ATG2B: variants seen among roughly 807,000 people sequenced by gnomAD.
ATG2B encodes autophagy related 2B, also known as autophagy-related protein 2 homolog B.
Under a neutral mutation model 241.3 loss-of-function variants are expected in ATG2B, and 121 were observed. The observed-to-expected ratio is 0.50, with a 90% CI of 0.43 to 0.58. The LOEUF (loss-of-function observed/expected upper bound fraction) is 0.58, where lower values mean the gene tolerates loss of function less well. Ranked by LOEUF, ATG2B falls within the 20% of genes least tolerant of loss-of-function variation. The probability of loss-of-function intolerance (pLI) is 0.00; values close to 1 mark genes in which losing one functional copy is unlikely to be tolerated. For missense variants in ATG2B, 2,306 were observed against 2,491.6 expected, an observed-to-expected ratio of 0.93 and a Z score of 1.59; for synonymous variants, 858 against 876.6, an observed-to-expected ratio of 0.98 and a Z score of 0.37.
chr14:96,330,707 T>G (rs1053310296), intron 11 of ATG2B, among the ~76,000 whole-genome samples: 2 of 152,212 alleles, frequency 1.3e-5, no homozygotes, highest in Non-Finnish European at 2.9e-5. Flanking sequence ...GAGGTTGCAG[T>G]GAGCCAAGAT....
rs763322628 is a variant in ATG2B at position 96,332,646 on chromosome 14, A to ACTT, written c.1214_1216dup (p.Glu405dup). On this transcript the variant is annotated inframe_insertion, in exon 9 of 42. Transcript: ENST00000359933. ...GTCCATATCAGCCATGGAGAAGAAT[A>ACTT]CTTCTTCTTCTAGAGAGAATTAAAC... 1.0e-5 allele frequency: 16 copies of ACTT among 1,563,456 alleles called. No homozygotes were observed. Among genetic ancestry groups the ACTT allele is most frequent in the Non-Finnish European group, 1.1e-5 (13 of 1,162,724 alleles).
chr14:96,359,603 A>G (rs1888570863), intron 1 of ATG2B, among the ~76,000 whole-genome samples: 1 of 152,216 alleles, frequency 6.6e-6, no homozygotes, highest in Non-Finnish European at 1.5e-5. Context: ...GGAATGAGTC[A>G]TTAAATCCAA....
Position 96,304,615 on chromosome 14 carries a change from CAAAAA to C in ATG2B, c.4734-17_4734-13del. On this transcript the variant is annotated splice_polypyrimidine_tract_variant and intron_variant, in intron 31 of 41. Transcript: ENST00000359933. ...AACTGTGGGGACTACTAAAAATGAG[CAAAAA>C]AAAAAAAAACCCTTTTGTTAAAGGA... 2 of 1,214,040 alleles carry C rather than the reference CAAAAA, an allele frequency of 1.6e-6. No individual in the cohort carries two copies. Among genetic ancestry groups the C allele is most frequent in the Admixed American group, 2.5e-5 (1 of 40,638 alleles). 75.2% of individuals were successfully genotyped at this position (1,214,040 alleles called of 1,614,324 possible). A position where few individuals can be genotyped will look rare whatever the true frequency, so the allele number is the denominator to read the frequency against.
Position 96,362,835 on chromosome 14 carries a change from G to A in ATG2B, c.142C>T (p.Gln48Ter). ...DLYQGTGSLA[Q>*]VPLDKWCLNE... ...CTTACCCATTTGTCCAAGGGGACCTGGGCGAGGGACCCGGTGCCTTGGTAC... is the reference window on the plus strand; with the variant it reads ...CTTACCCATTTGTCCAAGGGGACCTAGGCGAGGGACCCGGTGCCTTGGTAC... The change falls in exon 1 of 42, where the codon CAG becomes TAG. Residue 48 changes from glutamine (Q) to a stop codon, truncating the protein, a stop_gained. Coordinates refer to ENST00000359933, the MANE Select transcript of ATG2B (RefSeq NM_018036.7). LOFTEE classifies it high-confidence loss of function. The A allele has an allele frequency of 6.2e-7, 1 of 1,609,778 alleles. No homozygotes were observed. The highest frequency in any genetic ancestry group is 8.5e-7 in the Non-Finnish European group (1 of 1,177,610).
chr14:96,359,189 T>C (rs925766838), intron 1 of ATG2B, among the ~76,000 whole-genome samples: 1 of 152,022 alleles, frequency 6.6e-6, no homozygotes, highest in African/African-American at 2.4e-5. Context: ...CTGGGCAACA[T>C]GGCGAAATCC....
Position 96,295,574 on chromosome 14 carries a change from AT to A in ATG2B, c.5140-15del, listed in dbSNP as rs1392873348. 2 of 1,544,380 alleles carry A rather than the reference AT, an allele frequency of 1.3e-6. No homozygotes were observed. The highest frequency in any genetic ancestry group is 2.4e-5 in the South Asian group (2 of 84,274). ...GAACAAAGCATCCTAAAATTAAGAGATGTAATTTTAACTAAGGAAGAAAAGA... is the reference window on the plus strand; with the variant it reads ...GAACAAAGCATCCTAAAATTAAGAGAGTAATTTTAACTAAGGAAGAAAAGA... On this transcript the variant is annotated splice_polypyrimidine_tract_variant and intron_variant, in intron 34 of 41. Coordinates refer to ENST00000359933, the MANE Select transcript of ATG2B (RefSeq NM_018036.7).
At chr14:96,358,348 G>T (rs1425713366) in intron 1 of ATG2B, among the ~76,000 whole-genome samples, 2 of 152,060 alleles carry the variant, frequency 1.3e-5, no homozygotes, top group African/African-American at 4.8e-5. Flanking sequence ...TGGATTGGAG[G>T]ATCGCTTGAA....
Position 96,329,838 on chromosome 14 carries a change from C to G in ATG2B, c.1731-204G>C, listed in dbSNP as rs75826657. Among the ~76,000 whole-genome samples the G allele has an allele frequency of 3.9e-3, 590 of 152,246 alleles. 6 individuals are homozygous for G. The highest frequency in any genetic ancestry group is 0.013 in the African/African-American group (545 of 41,538). Reference sequence around the variant, plus strand: ...AGGATCTGTTTATTTCCCAACACTGCCCTTCGTCTTCCACATTTAAAAATT... The same window carrying G: ...AGGATCTGTTTATTTCCCAACACTGGCCTTCGTCTTCCACATTTAAAAATT... On this transcript the variant is annotated intron_variant, in intron 11 of 41. Coordinates refer to ENST00000359933, the MANE Select transcript of ATG2B (RefSeq NM_018036.7).
At chr14:96,334,897 A>G (rs1188605072) in intron 6 of ATG2B, among the ~76,000 whole-genome samples, 1 of 152,184 alleles carries the variant, frequency 6.6e-6, no homozygotes, top group African/African-American at 2.4e-5. Flanking sequence ...CACATCAAGA[A>G]CAAATAAAGT....
intron 6 of ATG2B, 44 bp downstream of exon 6, chr14:96,341,478 A>T: frequency 7.0e-7 from 1 of 1,437,294 alleles, no homozygotes; most frequent in Non-Finnish European, 9.4e-7. Context: ...GAATACTTGT[A>T]CTTTTATTTT....
chr14:96,285,738 C>A lies in ATG2B; in HGVS notation c.*17G>T. The A allele has an allele frequency of 6.2e-7, 1 of 1,611,414 alleles. No individual in the cohort carries two copies. Among genetic ancestry groups the A allele is most frequent in the Admixed American group, 1.7e-5 (1 of 60,006 alleles). On this transcript the variant is annotated 3_prime_UTR_variant, in exon 42 of 42. Transcript: ENST00000359933. This position sits in a 1 kb window ranked among gnomAD's most constrained non-coding sequence, Gnocchi z 4.2. ...TGGTTCCACTCTCCTTATCTTCACA[C>A]TGTCAGTTCCAAGCCATCAGTCATC...
Position 96,311,183 on chromosome 14 carries a change from G to A in ATG2B, c.4095C>T (p.Ser1365=). The A allele has an allele frequency of 6.2e-7, 1 of 1,613,938 alleles. No individual in the cohort carries two copies. Among genetic ancestry groups the A allele is most frequent in the South Asian group, 1.1e-5 (1 of 91,074 alleles). ...ALMNLIQYIA[S]YGDLQTPNKA... is the part of the protein sequence containing the mutation. ...TGTTAGGTGTCTGCAAGTCACCATA[G>A]CTTGCAATGTACTGAATGAGATTCA... Residue 1365 remains serine (S), a synonymous_variant, in exon 28 of 42, where the codon AGC becomes AGT. Coordinates refer to ENST00000359933, the MANE Select transcript of ATG2B (RefSeq NM_018036.7).
intron 1 of ATG2B, among the ~76,000 whole-genome samples, chr14:96,357,370 C>A (rs775692314): frequency 6.6e-6 from 1 of 152,160 alleles, no homozygotes; most frequent in Non-Finnish European, 1.5e-5. Context: ...CATCTCCTGC[C>A]ACTGTTATTC....
chr14:96,339,648 C>T (rs1159260427), intron 6 of ATG2B, among the ~76,000 whole-genome samples: 4 of 151,918 alleles, frequency 2.6e-5, no homozygotes, highest in Non-Finnish European at 5.9e-5. Flanking sequence ...CATATGTTCT[C>T]ACTTATAAGT....
In ATG2B at chr14:96,285,850, C is replaced by T. The variant is rs1203407775; in HGVS notation, c.6142G>A (p.Glu2048Lys). 1.2e-6 allele frequency: 2 copies of T among 1,614,054 alleles called. No individual in the cohort carries two copies. The highest frequency in any genetic ancestry group is 1.7e-6 in the Non-Finnish European group (2 of 1,180,048). The change falls in exon 42 of 42, where the codon GAA (glutamate) becomes AAA (lysine). Residue 2048 changes from glutamate (E) to lysine (K), a missense_variant. Around this residue, in one of 2 missense-constraint regions of ATG2B, gnomAD observed 379 missense variants for 480.4 expected, o/e 0.79. Transcript: ENST00000359933. The surrounding 1 kb of genome is among the most constrained non-coding windows in gnomAD (Gnocchi z 4.2). ...AVVKPLIVATEATSNVLGGMR... is the reference protein window; with the variant it reads ...AVVKPLIVATKATSNVLGGMR... ...CCACCCAGCACGTTTGACGTTGCTT[C>T]TGTGGCAACAATCAGAGGTTTCACC...
chr14:96,299,054 C>T (rs1886720808), intron 34 of ATG2B, among the ~76,000 whole-genome samples: 2 of 152,186 alleles, frequency 1.3e-5, no homozygotes, highest in South Asian at 4.1e-4. Context: ...ATGTCATACT[C>T]AAGCAATGAA....
At chr14:96,342,639 T>G (rs1005246972) in intron 5 of ATG2B, among the ~76,000 whole-genome samples, 1 of 151,500 alleles carries the variant, frequency 6.6e-6, no homozygotes, top group African/African-American at 2.4e-5. Flanking sequence ...GGAGAATCCC[T>G]TGAACCTGCG....
chr14:96,302,858 A>G (rs568061080), intron 33 of ATG2B, among the ~76,000 whole-genome samples: 2 of 152,336 alleles, frequency 1.3e-5, no homozygotes, highest in South Asian at 2.1e-4. Context: ...TTTATTAGCA[A>G]TTAGAGTTAA....
intron 21 of ATG2B, 28 bp from the exon 22 acceptor site, chr14:96,315,611 G>GT (rs1566722760): frequency 1.3e-6 from 2 of 1,553,516 alleles, no homozygotes; most frequent in African/African-American, 1.4e-5. Flanking sequence ...GGTAAAAATA[G>GT]TAACAAAATG....
Sources: allele counts gnomAD v4.1 joint callset (sites outside exome capture counted in the v4.1 genomes callset), GRCh38; gene constraint gnomAD v4.1.1; regional missense constraint gnomAD v4.1.1; non-coding constraint Gnocchi (gnomAD v3.1); transcripts MANE v1.5; gene names NCBI Gene and HGNC (gene_info 2026-07-23, HGNC 2026-07-21).